TFEC: variants seen among roughly 807,000 people sequenced by gnomAD.
TFEC encodes the protein transcription factor EC.
In TFEC, 31 loss-of-function variants were observed where a neutral mutation model predicts 41.6. That is an observed-to-expected ratio of 0.74 (90% CI 0.56 to 1.01). The LOEUF is 1.01. Ranked by LOEUF, TFEC falls within the 50% of genes least tolerant of loss-of-function variation. TFEC has a pLI of 0.00. For missense variants in TFEC, 402 were observed against 404.1 expected (o/e 0.99, Z 0.04); for synonymous variants, 143 against 140.6 (o/e 1.02, Z -0.12).
rs572907931 is a variant in TFEC, at chr7:116,007,515, G to A, written c.-72-23002C>T. On this transcript the variant is annotated intron_variant, in intron 1 of 7. Coordinates refer to ENST00000265440, the MANE Select transcript of TFEC (RefSeq NM_012252.4). ...AGAAAGGTTCTTCATGCCCCCACAC[G>A]GAGATATGATTATTTTCACAAAATG... is the stretch of plus-strand genomic sequence containing the variant. Among the ~76,000 whole-genome samples the A allele has an allele frequency of 4.1e-3, 631 of 152,264 alleles. 4 individuals are homozygous for A. Among genetic ancestry groups the A allele is most frequent in the Middle Eastern group, 6.8e-3 (2 of 294 alleles).
chr7:115,947,063 CT>C (rs1791623821), intron 6 of TFEC, among the ~76,000 whole-genome samples: 1 of 111,612 alleles, frequency 9.0e-6, no homozygotes, highest in African/African-American at 3.4e-5. Flanking sequence ...AATGCTATCC[CT>C]CCCCCCTCCC....
chr7:116,045,383 C>T (rs1343137407), intron 3 of TFEC, among the ~76,000 whole-genome samples: 2 of 152,212 alleles, frequency 1.3e-5, no homozygotes, highest in African/African-American at 4.8e-5. Flanking sequence ...AAAGACATTT[C>T]TAAGAAGCAA....
At chr7:116,127,775 C>T (rs1481034994) in intron 1 of TFEC, among the ~76,000 whole-genome samples, 3 of 151,688 alleles carry the variant, frequency 2.0e-5, no homozygotes, top group Non-Finnish European at 4.4e-5. Context: ...GCCTGTTTCC[C>T]TTATATTTCT....
At chr7:116,062,583 A>ATATATATATATATG (rs1796593266) in intron 3 of TFEC, among the ~76,000 whole-genome samples, 1 of 77,694 alleles carries the variant, frequency 1.3e-5, no homozygotes, top group Non-Finnish European at 2.7e-5. Context: ...ATATATATAT[A>ATATATATATATATG]TATATATATA....
intron 3 of TFEC, among the ~76,000 whole-genome samples, chr7:115,966,445 C>G (rs1350021436): frequency 6.6e-6 from 1 of 151,594 alleles, no homozygotes; most frequent in South Asian, 2.1e-4. Context: ...TATTACATAC[C>G]AGGTACTAAA....
chr7:116,096,849 TG>T (rs1797473246), intron 3 of TFEC, among the ~76,000 whole-genome samples: 2 of 152,048 alleles, frequency 1.3e-5, no homozygotes, highest in African/African-American at 4.8e-5. Flanking sequence ...CCCAGCACTT[TG>T]GGAGGCCGAA....
In TFEC at chr7:115,940,704, T is replaced by C; in HGVS notation, c.891A>G (p.Ala297=). The C allele has an allele frequency of 3.1e-6, 5 of 1,613,600 alleles. No individual in the cohort carries two copies. Among genetic ancestry groups the C allele is most frequent in the Non-Finnish European group, 4.2e-6 (5 of 1,179,644 alleles). The stretch of plus-strand genomic sequence containing the variant: ...CATCCAATCTTTGTTCCTCTTTCAA[T>C]GCAGCACTAAATGATAAATCTGTGA... ...SYFTDLSFSA[A]LKEEQRLDGM... is the part of the protein sequence containing the mutation. The change falls in exon 8 of 8, where the codon GCA becomes GCG. Residue 297 remains alanine, a synonymous_variant. Transcript: ENST00000265440.
At chr7:116,057,019 T>C (rs1241813272) in intron 3 of TFEC, among the ~76,000 whole-genome samples, 1 of 151,982 alleles carries the variant, frequency 6.6e-6, no homozygotes, top group African/African-American at 2.4e-5. Flanking sequence ...CGATGTGAGA[T>C]GCAAAATACG....
intron 3 of TFEC, among the ~76,000 whole-genome samples, chr7:116,093,070 A>C (rs991153709): frequency 1.3e-5 from 2 of 152,130 alleles, no homozygotes; most frequent in Non-Finnish European, 2.9e-5. Context: ...CAACCAATTA[A>C]CATTTACTGA....
chr7:116,122,137 A>G (rs752366955), intron 1 of TFEC, among the ~76,000 whole-genome samples: 3 of 152,038 alleles, frequency 2.0e-5, no homozygotes, highest in Admixed American at 2.0e-4. Context: ...ATCATCAGGA[A>G]ACTTGGCATT....
At chr7:116,113,365 G>C (rs1305508017) in intron 1 of TFEC, among the ~76,000 whole-genome samples, 3 of 151,946 alleles carry the variant, frequency 2.0e-5, no homozygotes, top group Non-Finnish European at 2.9e-5. Context: ...AGAATCCCAA[G>C]TGATGAAGAA....
At chr7:116,121,817 C>T (rs1221954744) in intron 1 of TFEC, among the ~76,000 whole-genome samples, 4 of 152,028 alleles carry the variant, frequency 2.6e-5, no homozygotes, top group East Asian at 1.9e-4. Flanking sequence ...TCCTTTGATC[C>T]TTGGCTAAAA....
intron 1 of TFEC, among the ~76,000 whole-genome samples, chr7:115,986,856 T>C (rs1003368394): frequency 6.6e-6 from 1 of 151,842 alleles, no homozygotes; most frequent in African/African-American, 2.4e-5. Flanking sequence ...CATGTATACA[T>C]ATGTAACAAA....
At chr7:116,091,572 G>C (rs958191923) in intron 3 of TFEC, among the ~76,000 whole-genome samples, 1 of 152,048 alleles carries the variant, frequency 6.6e-6, no homozygotes, top group Non-Finnish European at 1.5e-5. Context: ...GTTTCCGTAA[G>C]AGAATAAAAC....
chr7:116,101,496 A>G (rs766423048), intron 3 of TFEC, among the ~76,000 whole-genome samples: 3 of 152,180 alleles, frequency 2.0e-5, no homozygotes, highest in Non-Finnish European at 4.4e-5. Flanking sequence ...AGTTTAACAT[A>G]TATGTTACTT....
At chr7:116,094,443 G>A (rs1448452488) in intron 3 of TFEC, among the ~76,000 whole-genome samples, 1 of 152,226 alleles carries the variant, frequency 6.6e-6, no homozygotes, top group East Asian at 1.9e-4. Context: ...CACTTTGGGA[G>A]GCTGAGACAG....
chr7:116,119,737 C>T (rs867292006), intron 1 of TFEC, among the ~76,000 whole-genome samples: 7 of 151,588 alleles, frequency 4.6e-5, no homozygotes, highest in Non-Finnish European at 1.0e-4. Context: ...TTACCAAAAT[C>T]CAGTTATTAT....
intron 4 of TFEC, 65 bp from the exon 5 acceptor site, chr7:115,954,707 A>G: frequency 8.4e-7 from 1 of 1,186,930 alleles, no homozygotes; most frequent in South Asian, 1.3e-5. Context: ...CAGGCAACAT[A>G]ATTCAGAACT....
At chr7:116,040,162 T>C (rs1398831329) in intron 3 of TFEC, among the ~76,000 whole-genome samples, 1 of 151,958 alleles carries the variant, frequency 6.6e-6, no homozygotes, top group Admixed American at 6.6e-5. Flanking sequence ...CATAGGAAAA[T>C]AAACATAGGA....
Sources: gnomAD v4.1 joint callset for allele counts (sites outside exome capture counted in the v4.1 genomes callset) on GRCh38, gnomAD v4.1.1 for gene constraint, MANE v1.5 for transcripts, NCBI Gene and HGNC (gene_info 2026-07-23, HGNC 2026-07-21) for gene names.